The following TJP2 variants were observed in gnomAD, a reference collection of about 807,000 sequenced individuals.
TJP2 encodes the protein tight junction protein 2, also known as Friedreich ataxia region gene X104 (tight junction protein ZO-2).
Under a neutral mutation model 133.1 loss-of-function variants are expected in TJP2, and 91 were observed. That is an observed-to-expected ratio of 0.68 (90% CI 0.58 to 0.81). The LOEUF (loss-of-function observed/expected upper bound fraction) is 0.81. TJP2 is among the 40% of genes least tolerant of loss of function. The pLI is 0.00. For missense variants in TJP2, 1,541 were observed against 1,565.6 expected (o/e 0.98, Z 0.26); for synonymous variants, 592 against 583.4 (o/e 1.01, Z -0.21).
intron 2 of TJP2, among the ~76,000 whole-genome samples, chr9:69,157,964 A>G (rs1433853874): frequency 1.3e-5 from 2 of 152,046 alleles, no homozygotes; most frequent in African/African-American, 2.4e-5. Context: ...ATTTAATTAT[A>G]CTCCTGCATG....
intron 1 of TJP2, among the ~76,000 whole-genome samples, chr9:69,209,194 G>T (rs1003430255): frequency 4.6e-5 from 7 of 151,930 alleles, no homozygotes; most frequent in Non-Finnish European, 1.0e-4. Context: ...GTGCAGTGGC[G>T]CAATCTCAGC....
intron 1 of TJP2, among the ~76,000 whole-genome samples, chr9:69,185,924 C>T (rs990646791): frequency 2.0e-5 from 3 of 147,108 alleles, no homozygotes; most frequent in African/African-American, 5.0e-5. Flanking sequence ...GTCTCGGTTG[C>T]GCCTGGCTAA....
Position 69,232,082 on chromosome 9 carries a change from G to A in TJP2, c.1671+1850G>A, listed in dbSNP as rs116092484. ...AAGTTGTTGTTAGATGGGGAGAGTC[G>A]CTTTGGTGGATAAAAAGTCATGGTA... On this transcript the variant is annotated intron_variant, in intron 11 of 22. Coordinates refer to ENST00000377245, the MANE Select transcript of TJP2 (RefSeq NM_004817.4). Among the ~76,000 whole-genome samples, 513 of 152,234 alleles carry A rather than the reference G, an allele frequency of 3.4e-3. 2 individuals carry two copies. Among genetic ancestry groups the A allele is most frequent in the African/African-American group, 0.012 (485 of 41,512 alleles).
intron 1 of TJP2, among the ~76,000 whole-genome samples, chr9:69,150,264 G>A (rs1436006392): frequency 6.6e-6 from 1 of 150,948 alleles, no homozygotes; most frequent in Non-Finnish European, 1.5e-5. Context: ...TATGTTATGT[G>A]TATTTTACTA....
intron 2 of TJP2, among the ~76,000 whole-genome samples, chr9:69,157,903 C>T (rs187715672): frequency 6.6e-6 from 1 of 152,296 alleles, no homozygotes; most frequent in Non-Finnish European, 1.5e-5. Context: ...GTCTGGACAT[C>T]TTAAGCATAG....
At chr9:69,213,297 A>G (rs1172868563) in intron 2 of TJP2, among the ~76,000 whole-genome samples, 2 of 152,152 alleles carry the variant, frequency 1.3e-5, no homozygotes, top group African/African-American at 4.8e-5. Context: ...TCCTGACCTC[A>G]GGTGATCCAC....
chr9:69,217,643 A>T (rs1282172688), intron 3 of TJP2, among the ~76,000 whole-genome samples: 2 of 152,164 alleles, frequency 1.3e-5, no homozygotes, highest in Non-Finnish European at 2.9e-5. Flanking sequence ...CATCAGTCAC[A>T]CTACTGCAGT....
intron 11 of TJP2, among the ~76,000 whole-genome samples, chr9:69,232,907 T>C (rs72709083): frequency 0.085 from 12,863 of 152,148 alleles, 562 homozygotes; most frequent in Non-Finnish European, 0.097. Flanking sequence ...TCGAGACTGA[T>C]CTAAGGTTAA....
In TJP2 at chr9:69,221,356, G is replaced by T. The variant is rs377314831; in HGVS notation, c.812G>T (p.Arg271Leu). ...CGGGCCTACAGCCCGGAGTACAGGC[G>T]CGGGGCCCGCCACGATGCCCGCTCT... ...YERAYSPEYR[R>L]GARHDARSRG... The change falls in exon 5 of 23, where the codon CGC becomes CTC. Residue 271 changes from arginine to leucine, a missense_variant. Arg to Leu is a moderately radical substitution (Grantham distance 102, BLOSUM62 -2). Transcript: ENST00000377245. 1 of 1,582,110 alleles carries T rather than the reference G, an allele frequency of 6.3e-7. No individual in the cohort carries two copies. Among genetic ancestry groups the T allele is most frequent in the South Asian group, 1.1e-5 (1 of 87,712 alleles).
chr9:69,203,921 G>A (rs751947040), intron 1 of TJP2, among the ~76,000 whole-genome samples: 109 of 152,190 alleles, frequency 7.2e-4, no homozygotes, highest in Non-Finnish European at 1.0e-3. Context: ...CAAAGTGTAG[G>A]ATTTGAAACA....
chr9:69,230,991 CAACTT>C (rs1010797592), intron 11 of TJP2, among the ~76,000 whole-genome samples: 2 of 150,450 alleles, frequency 1.3e-5, no homozygotes, highest in Admixed American at 6.6e-5. Flanking sequence ...AAAAATAACT[CAACTT>C]GACATTTGTG....
intron 1 of TJP2, among the ~76,000 whole-genome samples, chr9:69,200,921 T>G (rs1052560503): frequency 1.3e-5 from 2 of 152,120 alleles, no homozygotes; most frequent in Admixed American, 6.5e-5. Context: ...TGATATATAT[T>G]GACTCTTGTC....
chr9:69,182,144 T>G (rs1825560392), intron 1 of TJP2, among the ~76,000 whole-genome samples: 1 of 152,230 alleles, frequency 6.6e-6, no homozygotes, highest in Admixed American at 6.5e-5. Flanking sequence ...TGTTCACTGG[T>G]GTAAAATCAC....
In TJP2 at chr9:69,229,165, G is replaced by A. The variant is rs1438228531; in HGVS notation, c.1454-19G>A. ...TTGTTAGTCCAGATTGATAACAGTA[G>A]ATGTTTCTTAACCTACAGCTCCTCA... On this transcript the variant is annotated intron_variant, in intron 9 of 22. Transcript: ENST00000377245. 1.2e-6 allele frequency: 2 copies of A among 1,611,958 alleles called. No homozygotes were observed. Among genetic ancestry groups the A allele is most frequent in the Non-Finnish European group, 1.7e-6 (2 of 1,178,212 alleles).
upstream of TJP2, among the ~76,000 whole-genome samples, chr9:69,172,752 A>T (rs145985284): frequency 8.3e-3 from 1,269 of 152,278 alleles, 17 homozygotes; most frequent in African/African-American, 0.028. Flanking sequence ...AATTTTTAAA[A>T]AATAGAGATG....
intron 1 of TJP2, among the ~76,000 whole-genome samples, chr9:69,199,950 A>T (rs10870006): frequency 0.38 from 57,606 of 151,842 alleles, 11,186 homozygotes; most frequent in South Asian, 0.44. Flanking sequence ...TCAGGGAAAA[A>T]TTGTATATTT....
chr9:69,183,730 T>C (rs566876790), intron 1 of TJP2, among the ~76,000 whole-genome samples: 1 of 152,286 alleles, frequency 6.6e-6, no homozygotes, highest in East Asian at 1.9e-4. Flanking sequence ...AAAAAACTTA[T>C]TTTAGATTAA....
intron 2 of TJP2, among the ~76,000 whole-genome samples, chr9:69,165,406 G>A (rs1346897753): frequency 1.3e-5 from 2 of 152,160 alleles, no homozygotes; most frequent in Non-Finnish European, 2.9e-5. Flanking sequence ...CCAAAGTGCT[G>A]TGATTACAGG....
rs1460003272 is a variant in TJP2, at chr9:69,251,313, C to G, written c.3270C>G (p.His1090Gln). 6.2e-7 allele frequency: 1 copy of G among 1,614,164 alleles called. No individual in the cohort carries two copies. Among genetic ancestry groups the G allele is most frequent in the East Asian group, 2.2e-5 (1 of 44,890 alleles). ...TCAAAATATTTGAGAAGATGGATCA[C>G]AAGGCCAGGTTACAGAGAATGCAGG... ...GKVKIFEKMD[H>Q]KARLQRMQEL... is the part of the protein sequence containing the mutation. Residue 1090 changes from histidine to glutamine, a missense_variant, in exon 21 of 23, where the codon CAC becomes CAG. Transcript: ENST00000377245.
Sources: allele counts gnomAD v4.1 joint callset (sites outside exome capture counted in the v4.1 genomes callset), GRCh38; gene constraint gnomAD v4.1.1; transcripts MANE v1.5; gene names NCBI Gene and HGNC (gene_info 2026-07-23, HGNC 2026-07-21).